Variants in CAPN5 observed in about 807,000 individuals in gnomAD.
CAPN5 encodes calpain 5.
CAPN5 carries 54 observed loss-of-function variants against 73.0 expected under a neutral mutation model. That is an observed-to-expected ratio of 0.74 (90% CI 0.59 to 0.93). CAPN5 has a LOEUF of 0.93. Ranked by LOEUF, CAPN5 falls within the 40% of genes least tolerant of loss-of-function variation. CAPN5 has a pLI of 0.00. For missense variants in CAPN5, 785 were observed against 882.9 expected (o/e 0.89, Z 1.41); for synonymous variants, 335 against 356.9 (o/e 0.94, Z 0.69).
chr11:77,102,161 C>T (rs1348579548), intron 3 of CAPN5, among the ~76,000 whole-genome samples: 1 of 152,198 alleles, frequency 6.6e-6, no homozygotes, highest in East Asian at 1.9e-4. Flanking sequence ...GAGTCTGATG[C>T]TCACTCAAGT....
At chr11:77,069,111 C>G (rs1304159865) in intron 1 of CAPN5, among the ~76,000 whole-genome samples, 3 of 152,308 alleles carry the variant, frequency 2.0e-5, no homozygotes, top group Non-Finnish European at 4.4e-5. Context: ...TGTGTCTGTT[C>G]TTTCTCTTGG....
intron 3 of CAPN5, chr11:77,103,192 A>T: frequency 6.2e-7 from 1 of 1,613,752 alleles, no homozygotes; most frequent in Non-Finnish European, 8.5e-7. Context: ...ATAGATTGGA[A>T]TGAGGCCGAC....
At chr11:77,093,644 C>T (rs1950176946) in intron 2 of CAPN5, 38 bp from the exon 3 acceptor site, 1 of 1,535,790 alleles carries the variant, frequency 6.5e-7, no homozygotes, top group African/African-American at 1.4e-5. Flanking sequence ...TCCGCATGCT[C>T]CTCCGCCCCT....
rs782319496 is a variant in CAPN5, at chr11:77,084,965, T to C, written c.79T>C (p.Phe27Leu). 1.9e-6 allele frequency: 3 copies of C among 1,613,628 alleles called. No homozygotes were observed. Among genetic ancestry groups the C allele is most frequent in the South Asian group, 1.1e-5 (1 of 91,084 alleles). ...GGACTGCCGGCGCAGGAAGGTGCTCTTCGAGGACCCCCTCTTCCCCGCCAC... is the reference window on the plus strand; with the variant it reads ...GGACTGCCGGCGCAGGAAGGTGCTCCTCGAGGACCCCCTCTTCCCCGCCAC... ...RRDCRRRKVLFEDPLFPATDD... is the reference protein window; with the variant it reads ...RRDCRRRKVLLEDPLFPATDD... The change falls in exon 2 of 13, where the codon TTC (phenylalanine) becomes CTC (leucine). Residue 27 changes from phenylalanine to leucine, a missense_variant. Transcript: ENST00000648180.
chr11:77,102,922 GC>G, intron 3 of CAPN5: 1 of 1,612,874 alleles, frequency 6.2e-7, no homozygotes, highest in Non-Finnish European at 8.5e-7. Flanking sequence ...ATGCGGCTAC[GC>G]GTGGAGAGCC....
At chr11:77,110,701 C>T (rs561733535) in intron 3 of CAPN5, among the ~76,000 whole-genome samples, 4 of 152,340 alleles carry the variant, frequency 2.6e-5, no homozygotes, top group South Asian at 4.1e-4. Flanking sequence ...TAGTACCTCT[C>T]GCTGCAGTTA....
Position 77,097,067 on chromosome 11 carries a change from A to T in CAPN5, c.297+3254A>T, listed in dbSNP as rs183092669. Among the ~76,000 whole-genome samples the T allele has an allele frequency of 2.2e-3, 338 of 152,156 alleles. 2 individuals are homozygous for T. The highest frequency in any genetic ancestry group is 7.2e-3 in the African/African-American group (298 of 41,504). Reference sequence around the variant, plus strand: ...GAAACCCCGTCTCTACTAAAAATACAAAAAATTAGCCAGGCGTGGTGGTGG... The same window carrying T: ...GAAACCCCGTCTCTACTAAAAATACTAAAAATTAGCCAGGCGTGGTGGTGG... On this transcript the variant is annotated intron_variant, in intron 3 of 12. Transcript: ENST00000648180.
intron 1 of CAPN5, among the ~76,000 whole-genome samples, chr11:77,082,326 C>T (rs1353964542): frequency 3.3e-5 from 5 of 152,142 alleles, no homozygotes; most frequent in African/African-American, 7.2e-5. Flanking sequence ...GGGTCCTGCT[C>T]GGCCCAAACA....
chr11:77,114,031 G>T (rs1388798428), intron 4 of CAPN5, among the ~76,000 whole-genome samples: 2 of 149,534 alleles, frequency 1.3e-5, no homozygotes, highest in African/African-American at 2.5e-5. Flanking sequence ...GATTTTTTAA[G>T]ATTGAGCCAC....
At chr11:77,119,310 A>C (rs2135485563) in intron 9 of CAPN5, 158 bp downstream of exon 9, 3 of 800,238 alleles carry the variant, frequency 3.7e-6, no homozygotes, top group East Asian at 5.4e-5. Flanking sequence ...CATGGGCCCC[A>C]CTTGAATATT....
chr11:77,092,668 C>G (rs1555036702), intron 2 of CAPN5, among the ~76,000 whole-genome samples: 1 of 152,262 alleles, frequency 6.6e-6, no homozygotes, highest in Non-Finnish European at 1.5e-5. Flanking sequence ...GCCGTGCCCA[C>G]CAGTCTCTGT....
intron 2 of CAPN5, 150 bp downstream of exon 2, chr11:77,085,201 C>T (rs1555035293): frequency 1.3e-5 from 9 of 693,884 alleles, no homozygotes; most frequent in South Asian, 5.3e-5. Flanking sequence ...GGATTTGATC[C>T]GGATGGGGAG....
rs535749172 is a variant in CAPN5 at position 77,093,241 on chromosome 11, C to T, written c.166-441C>T. Among the ~76,000 whole-genome samples, 442 of 152,320 alleles carry T rather than the reference C, an allele frequency of 2.9e-3. 2 individuals are homozygous for T. The highest frequency in any genetic ancestry group is 5.2e-3 in the Non-Finnish European group (357 of 68,034). On this transcript the variant is annotated intron_variant, in intron 2 of 12. Coordinates refer to ENST00000648180, the MANE Select transcript of CAPN5 (RefSeq NM_004055.5). ...GGGATATGGGTGTTTGTCCCATGCC[C>T]GCACCCCCACCCCACTTGAACCTGC...
At position 77,114,299 on chromosome 11, in the gene CAPN5, C is replaced by A. The variant is rs781820376; in HGVS notation, c.564C>A (p.Asp188Glu). The A allele has an allele frequency of 1.9e-6, 3 of 1,614,102 alleles. No individual in the cohort carries two copies. In the African/African-American group the frequency reaches 4.0e-5, roughly 22 times the overall value. The change falls in exon 5 of 13, where the codon GAC becomes GAA. Residue 188 changes from aspartate to glutamate, a missense_variant. By Grantham distance (45) the Asp-to-Glu change is conservative (BLOSUM62 2). Coordinates refer to ENST00000648180, the MANE Select transcript of CAPN5 (RefSeq NM_004055.5). ...DGGNTADALV[D>E]FTGGVSEPID... ...GCAACACAGCAGACGCACTGGTGGA[C>A]TTCACGGGTGGTGTTTCTGAGCCCA...
chr11:77,096,650 A>C (rs145676811), intron 3 of CAPN5, among the ~76,000 whole-genome samples: 2 of 152,382 alleles, frequency 1.3e-5, no homozygotes, highest in African/African-American at 4.8e-5. Context: ...AGGTTGCGAC[A>C]GTTTGGCTGA....
At chr11:77,070,339 G>A (rs1949889711) in intron 1 of CAPN5, among the ~76,000 whole-genome samples, 1 of 152,234 alleles carries the variant, frequency 6.6e-6, no homozygotes. Flanking sequence ...ATGGTGGGCA[G>A]AAGGCTGGGA....
chr11:77,116,118 G>A, intron 6 of CAPN5, 108 bp from the exon 7 acceptor site: 1 of 987,896 alleles, frequency 1.0e-6, no homozygotes, highest in East Asian at 2.6e-5. Flanking sequence ...TGCCGCTGGA[G>A]GCCTGGTGCA....
chr11:77,071,578 C>T, intron 1 of CAPN5: 1 of 445,886 alleles, frequency 2.2e-6, no homozygotes, highest in Non-Finnish European at 4.6e-6. Context: ...ACAGGCTGGG[C>T]CAGTAGAGCA....
At chr11:77,095,695 T>G (rs1950201710) in intron 3 of CAPN5, among the ~76,000 whole-genome samples, 1 of 152,174 alleles carries the variant, frequency 6.6e-6, no homozygotes, top group African/African-American at 2.4e-5. Context: ...CGTTTGTAGG[T>G]GGGAGCCTAT....
Sources: gnomAD v4.1 joint callset for allele counts (sites outside exome capture counted in the v4.1 genomes callset) on GRCh38, gnomAD v4.1.1 for gene constraint, MANE v1.5 for transcripts, NCBI Gene and HGNC (gene_info 2026-07-23, HGNC 2026-07-21) for gene names.